The following PHLDB1 variants were observed in gnomAD, a reference collection of about 807,000 sequenced individuals.
PHLDB1 encodes the protein pleckstrin homology like domain family B member 1, also known as pleckstrin homology-like domain family B member 1.
In PHLDB1, 65 loss-of-function variants were observed where a neutral mutation model predicts 139.3. The ratio of observed to expected loss-of-function variants is 0.47; its 90% CI spans 0.38 to 0.57. The LOEUF is 0.57. Among genes scored for constraint, PHLDB1 ranks in the 20% least tolerant of loss-of-function variants. The probability of loss-of-function intolerance (pLI) is 0.00; values close to 1 mark genes in which losing one functional copy is unlikely to be tolerated. For synonymous variants in PHLDB1, 679 were observed against 734.5 expected, an observed-to-expected ratio of 0.92 and a Z score of 1.22; for missense variants, 1,624 against 1,839.7, an observed-to-expected ratio of 0.88 and a Z score of 2.14.
chr11:118,646,029 G>A (rs530353316), intron 17 of PHLDB1, among the ~76,000 whole-genome samples: 1 of 152,280 alleles, frequency 6.6e-6, no homozygotes, highest in East Asian at 1.9e-4. Flanking sequence ...AGGTGGCCGA[G>A]GCAGGCGGAT....
chr11:118,611,416 T>C lies in PHLDB1; in HGVS notation c.-21-2400T>C, dbSNP rs1222940824. Among the ~76,000 whole-genome samples the C allele has an allele frequency of 6.6e-6, 1 of 152,196 alleles. No individual in the cohort carries two copies. Among genetic ancestry groups the C allele is most frequent in the Non-Finnish European group, 1.5e-5 (1 of 68,032 alleles). ...ATCGGCCTTACTCCTTTACAATCTT[T>C]ATCTCCACTTGAAGTTCTTGGGTGT... On this transcript the variant is annotated intron_variant, in intron 1 of 22. Coordinates refer to ENST00000600882, the MANE Select transcript of PHLDB1 (RefSeq NM_001144758.3). This position sits in a 1 kb window ranked among gnomAD's most constrained non-coding sequence, Gnocchi z 4.7.
At position 118,631,911 on chromosome 11, in the gene PHLDB1, A is replaced by G; in HGVS notation, c.2101-2A>G. 1 of 1,605,946 alleles carries G rather than the reference A, an allele frequency of 6.2e-7. No individual in the cohort carries two copies. Among genetic ancestry groups the G allele is most frequent in the Non-Finnish European group, 8.5e-7 (1 of 1,176,860 alleles). ...TCAGTTGATAGCTTCCCTCCCCTCC[A>G]GCACGAAGATGCACCTAGCACCAAG... is the stretch of plus-strand genomic sequence containing the variant. On this transcript the variant is annotated splice_acceptor_variant, in intron 7 of 22. Coordinates refer to ENST00000600882, the MANE Select transcript of PHLDB1 (RefSeq NM_001144758.3). LOFTEE classifies it high-confidence loss of function.
At chr11:118,637,338 T>C (rs1945811272) in intron 10 of PHLDB1, 1 of 152,218 alleles carries the variant, frequency 6.6e-6, no homozygotes, top group African/African-American at 2.4e-5. Flanking sequence ...CCTAGCCTAC[T>C]TTGTTGTTGT....
intron 13 of PHLDB1, 76 bp downstream of exon 13, chr11:118,642,470 C>T: frequency 6.8e-7 from 1 of 1,478,542 alleles, no homozygotes; most frequent in South Asian, 1.2e-5. Context: ...AATCCATCAG[C>T]CACACAGTAC....
At position 118,628,172 on chromosome 11, in the gene PHLDB1, G is replaced by A; in HGVS notation, c.1349G>A (p.Gly450Asp). The A allele has an allele frequency of 6.2e-7, 1 of 1,614,110 alleles. No individual in the cohort carries two copies. The highest frequency in any genetic ancestry group is 8.5e-7 in the Non-Finnish European group (1 of 1,180,012). Residue 450 changes from glycine to aspartate, a missense_variant, in exon 6 of 23, where the codon GGC becomes GAC. Coordinates refer to ENST00000600882, the MANE Select transcript of PHLDB1 (RefSeq NM_001144758.3). ...GAGAGTCCCCGCCTGGGCCGGCGGG[G>A]CCTGGACAGTATGCGAGAACTACCC... ...PPESPRLGRR[G>D]LDSMRELPPL... is the part of the protein sequence containing the mutation.
chr11:118,637,702 A>G (rs1945873675), intron 10 of PHLDB1: 1 of 152,116 alleles, frequency 6.6e-6, no homozygotes. Flanking sequence ...TCCCTTCTTT[A>G]ACTCTTCCTT....
rs935977712 is a variant in PHLDB1 at position 118,645,255 on chromosome 11, C to A, written c.3122-101C>A. ...GGGAGAGGGGGCTGCTCTGTGTTAA[C>A]CTCTCCCTGCTTGCCCCTCCCTCTG... On this transcript the variant is annotated intron_variant, in intron 15 of 22. Transcript: ENST00000600882. The surrounding 1 kb of genome is among the most constrained non-coding windows in gnomAD (Gnocchi z 5.1). The A allele has an allele frequency of 2.3e-6, 2 of 882,146 alleles. No individual in the cohort carries two copies. The highest frequency in any genetic ancestry group is 2.8e-5 in the Admixed American group (1 of 35,846). 54.6% of individuals were successfully genotyped at this position (882,146 alleles called of 1,614,324 possible).
chr11:118,641,869 G>A, intron 12 of PHLDB1: 1 of 1,120,098 alleles, frequency 8.9e-7, no homozygotes, highest in Non-Finnish European at 1.2e-6. Flanking sequence ...TGGCCTCTTG[G>A]CTCTGGGCCA....
intron 6 of PHLDB1, 36 bp from the exon 7 acceptor site, chr11:118,631,171 C>G (rs903570975): frequency 4.1e-5 from 56 of 1,381,392 alleles, no homozygotes; most frequent in Non-Finnish European, 5.1e-5. Context: ...GCTCAGCTTC[C>G]TCCCCTTCAT....
rs915106129 is a variant in PHLDB1 at position 118,608,103 on chromosome 11, C to G, written c.-22+404C>G. The stretch of plus-strand genomic sequence containing the variant: ...GTCCTCCAGCGCCCCACACCTCCCC[C>G]TCTCCGCCCACAGCAGGACCTTGGG... On this transcript the variant is annotated intron_variant, in intron 1 of 22. Transcript: ENST00000600882. This position sits in a 1 kb window ranked among gnomAD's most constrained non-coding sequence, Gnocchi z 6.7. Among the ~76,000 whole-genome samples the G allele has an allele frequency of 1.1e-4, 17 of 152,222 alleles. No individual in the cohort carries two copies. The East Asian group carries it at 1.4e-3, about 12-fold the overall frequency.
Position 118,628,129 on chromosome 11 carries a change from C to G in PHLDB1, c.1306C>G (p.Arg436Gly). 6.2e-7 allele frequency: 1 copy of G among 1,614,044 alleles called. No homozygotes were observed. Among genetic ancestry groups the G allele is most frequent in the Non-Finnish European group, 8.5e-7 (1 of 1,180,004 alleles). The change falls in exon 6 of 23, where the codon CGT (arginine) becomes GGT (glycine). Residue 436 changes from arginine to glycine, a missense_variant. Arg to Gly is a moderately radical substitution (Grantham distance 125). Transcript: ENST00000600882. ...AACATTTTCAGATGGGTTAGCCACC[C>G]GTACCCTGCAGCCTCCTGAGAGTCC... is the stretch of plus-strand genomic sequence containing the variant. ...GRTFSDGLAT[R>G]TLQPPESPRL...
At position 118,645,534 on chromosome 11, in the gene PHLDB1, G is replaced by A; in HGVS notation, c.3300G>A (p.Glu1100=). The part of the protein sequence containing the change: ...SILHHLPAGR[E]RGEEGEHAYD... ...TACACCACCTGCCTGCGGGGCGGGA[G>A]CGTGGGGAGGAGGGTGAGCACGCCT... The change falls in exon 16 of 23, where the codon GAG becomes GAA. Residue 1100 remains glutamate (E), a synonymous_variant. Transcript: ENST00000600882. This position sits in a 1 kb window ranked among gnomAD's most constrained non-coding sequence, Gnocchi z 5.1. The A allele has an allele frequency of 1.9e-6, 3 of 1,613,262 alleles. No individual in the cohort carries two copies. The highest frequency in any genetic ancestry group is 2.5e-6 in the Non-Finnish European group (3 of 1,179,624).
chr11:118,638,572 G>C (rs1161695851), intron 10 of PHLDB1, among the ~76,000 whole-genome samples: 2 of 152,124 alleles, frequency 1.3e-5, no homozygotes, highest in African/African-American at 4.8e-5. Flanking sequence ...GGCAAGTGGG[G>C]TTGGGACAGG....
In PHLDB1 at chr11:118,627,807, G is replaced by A. The variant is rs1167116364; in HGVS notation, c.984G>A (p.Arg328=). The A allele has an allele frequency of 1.2e-6, 2 of 1,604,794 alleles. No homozygotes were observed. The highest frequency in any genetic ancestry group is 2.2e-5 in the East Asian group (1 of 44,892). ...AGAGGCCTCCCAGCCCTGGCCTCCG[G>A]GGTCTGCTGACAGACAGCCCTGCAG... The part of the protein sequence containing the change: ...GHERPPSPGL[R]GLLTDSPAAT... The change falls in exon 6 of 23, where the codon CGG becomes CGA. Residue 328 remains arginine, a synonymous_variant. Coordinates refer to ENST00000600882, the MANE Select transcript of PHLDB1 (RefSeq NM_001144758.3).
rs1940318639 is a variant in PHLDB1 at position 118,611,582 on chromosome 11, GC to G, written c.-21-2233del. 1.3e-5 allele frequency among the ~76,000 whole-genome samples: 2 copies of G among 152,280 alleles called. No homozygotes were observed. The highest frequency in any genetic ancestry group is 3.9e-4 in the East Asian group (2 of 5,184). ...CTCATAATAATAAACGGGGCCAGGCGCGGTGGCTCACGCCTGTAATCCCAGC... is the reference window on the plus strand; with the variant it reads ...CTCATAATAATAAACGGGGCCAGGCGGGTGGCTCACGCCTGTAATCCCAGC... On this transcript the variant is annotated intron_variant, in intron 1 of 22. Transcript: ENST00000600882. This position sits in a 1 kb window ranked among gnomAD's most constrained non-coding sequence, Gnocchi z 4.7.
chr11:118,624,479 G>C (rs551001482), intron 4 of PHLDB1: 384 of 192,402 alleles, frequency 2.0e-3, no homozygotes, highest in African/African-American at 8.4e-3. Flanking sequence ...TGTGGACTCT[G>C]AGAGCAGATG....
In PHLDB1 at chr11:118,655,611, A is replaced by G; in HGVS notation, c.3881A>G (p.His1294Arg). 1.2e-6 allele frequency: 2 copies of G among 1,611,012 alleles called. No individual in the cohort carries two copies. The highest frequency in any genetic ancestry group is 1.1e-5 in the South Asian group (1 of 91,006). Residue 1294 changes from histidine (H) to arginine (R), a missense_variant, in exon 21 of 23, where the codon CAT (histidine) becomes CGT (arginine). Coordinates refer to ENST00000600882, the MANE Select transcript of PHLDB1 (RefSeq NM_001144758.3). ...KRTLSYYVDK[H>R]ETKLKGVIYF... ...ACCCTTACTTGCTTTGCAGACAAGCATGAGACGAAGCTGAAGGGAGTCATC... is the reference window on the plus strand; with the variant it reads ...ACCCTTACTTGCTTTGCAGACAAGCGTGAGACGAAGCTGAAGGGAGTCATC...
Position 118,628,441 on chromosome 11 carries a change from C to T in PHLDB1, c.1618C>T (p.Pro540Ser), listed in dbSNP as rs1248764721. The change falls in exon 6 of 23, where the codon CCA becomes TCA. Residue 540 changes from proline (P) to serine (S), a missense_variant. Physicochemically the swap from Pro to Ser is moderately conservative, Grantham distance 74. Transcript: ENST00000600882. The stretch of plus-strand genomic sequence containing the variant: ...GGGCAGCTTCAGTGGCAGGCTGAGC[C>T]CAGCCTACAGTCTGGGCTCTCTTAC... ...HKGSFSGRLS[P>S]AYSLGSLTGA... 7 of 1,610,210 alleles carry T rather than the reference C, an allele frequency of 4.3e-6. No homozygotes were observed. The Admixed American group carries it at 5.0e-5, about 12-fold the overall frequency.
chr11:118,626,014 G>C (rs1342878141), intron 5 of PHLDB1, among the ~76,000 whole-genome samples: 1 of 152,116 alleles, frequency 6.6e-6, no homozygotes, highest in Non-Finnish European at 1.5e-5. Flanking sequence ...AGCTGTTTGG[G>C]GCAGTGGTTC....
Sources: allele counts gnomAD v4.1 joint callset (sites outside exome capture counted in the v4.1 genomes callset), GRCh38; gene constraint gnomAD v4.1.1; non-coding constraint Gnocchi (gnomAD v3.1); transcripts MANE v1.5; gene names NCBI Gene and HGNC (gene_info 2026-07-23, HGNC 2026-07-21).